ZCWPW2: variants seen among roughly 807,000 people sequenced by gnomAD.
The protein encoded by ZCWPW2 is zinc finger CW-type and PWWP domain containing 2.
Under a neutral mutation model 46.6 loss-of-function variants are expected in ZCWPW2, and 45 were observed. The observed-to-expected ratio is 0.96, with a 90% CI of 0.76 to 1.24. The LOEUF (loss-of-function observed/expected upper bound fraction) is 1.24. Ranked by LOEUF, ZCWPW2 falls within the 50% of genes most tolerant of loss-of-function variation. The probability of loss-of-function intolerance (pLI) is 0.00; values close to 1 mark genes in which losing one functional copy is unlikely to be tolerated. For synonymous variants in ZCWPW2, 152 were observed against 137.1 expected (o/e 1.11, Z -0.76); for missense variants, 429 against 403.9 (o/e 1.06, Z -0.53).
chr3:28,403,944 G>T (rs1204778900), intron 2 of ZCWPW2, among the ~76,000 whole-genome samples: 3 of 152,090 alleles, frequency 2.0e-5, no homozygotes, highest in Admixed American at 1.3e-4. Context: ...AAAAATTCTA[G>T]AAGATAATAT....
chr3:28,413,013 C>A lies in ZCWPW2; in HGVS notation c.-13-43C>A. The A allele has an allele frequency of 5.3e-6, 8 of 1,500,766 alleles. No individual in the cohort carries two copies. In the South Asian group the frequency reaches 1.0e-4, roughly 19 times the overall value. The allele number at this position is 1,500,766 out of a possible 1,614,324, so 93.0% of individuals were successfully genotyped here. A position where few individuals can be genotyped will look rare whatever the true frequency, so the allele number is the denominator to read the frequency against. ...GGTTTGAATTTTCTCTCCTTATACT[C>A]TTGAATCCTCATTCTGTTATTTTCC... On this transcript the variant is annotated intron_variant, in intron 2 of 9. Transcript: ENST00000383768.
intron 2 of ZCWPW2, among the ~76,000 whole-genome samples, chr3:28,392,610 A>G (rs1207177428): frequency 2.0e-5 from 3 of 152,230 alleles, no homozygotes; most frequent in Admixed American, 1.3e-4. Context: ...TTGAAATCAT[A>G]TAATTTCTGA....
intron 6 of ZCWPW2, among the ~76,000 whole-genome samples, chr3:28,492,788 G>A (rs887899702): frequency 1.3e-5 from 2 of 152,066 alleles, no homozygotes; most frequent in Admixed American, 1.3e-4. Flanking sequence ...ACTAAACAAA[G>A]AGAAAGAGTT....
intron 1 of ZCWPW2, among the ~76,000 whole-genome samples, chr3:28,369,734 C>G (rs1023738242): frequency 6.6e-6 from 1 of 152,198 alleles, no homozygotes; most frequent in African/African-American, 2.4e-5. Context: ...CCTTTTGTTT[C>G]GCTATGCCCT....
chr3:28,413,066 T>G lies in ZCWPW2; in HGVS notation c.-3T>G, dbSNP rs372450026. On this transcript the variant is annotated 5_prime_UTR_variant, in exon 3 of 10. Transcript: ENST00000383768. ...TTTCTTATTTTCCAGATTAAATGCC[T>G]TAATGGATAAAGAAAAATTGGATGT... 65 of 1,603,674 alleles carry G rather than the reference T, an allele frequency of 4.1e-5. No homozygotes were observed. Among genetic ancestry groups the G allele is most frequent in the Non-Finnish European group, 3.1e-5 (36 of 1,174,976 alleles).
chr3:28,435,646 C>T (rs1476603545), intron 4 of ZCWPW2, among the ~76,000 whole-genome samples: 7 of 151,766 alleles, frequency 4.6e-5, no homozygotes, highest in African/African-American at 7.3e-5. Flanking sequence ...CCACCATGCA[C>T]GGCTAATTTT....
At chr3:28,490,600 T>C (rs1041977555) in intron 5 of ZCWPW2, among the ~76,000 whole-genome samples, 7 of 152,040 alleles carry the variant, frequency 4.6e-5, no homozygotes, top group Middle Eastern at 3.2e-3. Flanking sequence ...TTGTCACTTA[T>C]AAGTGAGAAC....
In ZCWPW2 at chr3:28,412,751, C is replaced by T. The variant is rs536496657; in HGVS notation, c.-13-305C>T. 2.0e-4 allele frequency among the ~76,000 whole-genome samples: 31 copies of T among 152,120 alleles called. No homozygotes were observed. The South Asian group carries it at 6.4e-3, about 32-fold the overall frequency. On this transcript the variant is annotated intron_variant, in intron 2 of 9. Coordinates refer to ENST00000383768, the MANE Select transcript of ZCWPW2 (RefSeq NM_001040432.4). ...ATGGGAAAATGTACTTGATGTATAC[C>T]AGATGTGTGCTATATATTAGGTTAA...
intron 3 of ZCWPW2, among the ~76,000 whole-genome samples, chr3:28,425,574 A>G (rs1696972097): frequency 6.6e-6 from 1 of 152,214 alleles, no homozygotes; most frequent in Non-Finnish European, 1.5e-5. Context: ...TCTAAGGCTC[A>G]GAAACTCAAT....
intron 1 of ZCWPW2, among the ~76,000 whole-genome samples, chr3:28,388,479 C>T (rs1001457520): frequency 3.3e-5 from 5 of 152,150 alleles, no homozygotes; most frequent in Non-Finnish European, 7.3e-5. Flanking sequence ...GAAGAGGTTG[C>T]AAAGTCCATG....
chr3:28,361,246 C>T (rs147616782), intron 1 of ZCWPW2, among the ~76,000 whole-genome samples: 1 of 152,236 alleles, frequency 6.6e-6, no homozygotes, highest in East Asian at 1.9e-4. Context: ...AAATTATCTT[C>T]AACAAAGATG....
At chr3:28,399,562 C>G (rs751467855) in intron 2 of ZCWPW2, among the ~76,000 whole-genome samples, 2 of 152,204 alleles carry the variant, frequency 1.3e-5, no homozygotes, top group Non-Finnish European at 2.9e-5. Flanking sequence ...AAAACAGGTG[C>G]TGGTATTCAT....
At chr3:28,497,241 T>C (rs779838770) in intron 6 of ZCWPW2, among the ~76,000 whole-genome samples, 1 of 151,202 alleles carries the variant, frequency 6.6e-6, no homozygotes, top group Non-Finnish European at 1.5e-5. Context: ...ATAATATTTA[T>C]ATATTTATAT....
At chr3:28,417,386 CA>C (rs1209040059) in intron 3 of ZCWPW2, among the ~76,000 whole-genome samples, 1 of 151,794 alleles carries the variant, frequency 6.6e-6, no homozygotes, top group Non-Finnish European at 1.5e-5. Flanking sequence ...GTTTAGCAAC[CA>C]AAAAAAGTCC....
intron 1 of ZCWPW2, among the ~76,000 whole-genome samples, chr3:28,374,243 A>C (rs1705430450): frequency 6.6e-6 from 1 of 152,144 alleles, no homozygotes; most frequent in Non-Finnish European, 1.5e-5. Flanking sequence ...TTTATTGAAG[A>C]GGCTGTCCTC....
At chr3:28,357,884 C>T (rs1704802037) in intron 1 of ZCWPW2, among the ~76,000 whole-genome samples, 1 of 150,064 alleles carries the variant, frequency 6.7e-6, no homozygotes, top group South Asian at 2.1e-4. Flanking sequence ...TGACAATATA[C>T]TTTGTAGTAA....
At chr3:28,364,070 G>A (rs1460173624) in intron 1 of ZCWPW2, among the ~76,000 whole-genome samples, 2 of 152,130 alleles carry the variant, frequency 1.3e-5, no homozygotes, top group Non-Finnish European at 2.9e-5. Context: ...AATGTAAGTA[G>A]CATCACAGTA....
intron 4 of ZCWPW2, among the ~76,000 whole-genome samples, chr3:28,437,093 A>C (rs930850421): frequency 1.1e-4 from 16 of 152,232 alleles, no homozygotes; most frequent in Non-Finnish European, 1.8e-4. Flanking sequence ...CATGCTCCCA[A>C]CTTCAGAAAA....
At chr3:28,446,222 C>T (rs1697984553) in intron 4 of ZCWPW2, among the ~76,000 whole-genome samples, 2 of 152,110 alleles carry the variant, frequency 1.3e-5, no homozygotes, top group South Asian at 4.1e-4. Context: ...CTAGTATACA[C>T]ATTTTTCTCA....
Sources: gnomAD v4.1 joint callset for allele counts (sites outside exome capture counted in the v4.1 genomes callset) on GRCh38, gnomAD v4.1.1 for gene constraint, MANE v1.5 for transcripts, NCBI Gene and HGNC (gene_info 2026-07-23, HGNC 2026-07-21) for gene names.